GMPR: variants seen among roughly 807,000 people sequenced by gnomAD.
GMPR encodes the protein GMP reductase 1.
GMPR carries 31 observed loss-of-function variants against 38.4 expected under a neutral mutation model. The observed-to-expected ratio is 0.81, with a 90% CI of 0.61 to 1.09. The LOEUF is 1.09. Ranked by LOEUF, GMPR falls within the 50% of genes least tolerant of loss-of-function variation. GMPR has a pLI of 0.00. For missense variants in GMPR, 468 were observed against 453.7 expected, an observed-to-expected ratio of 1.03 and a Z score of -0.29; for synonymous variants, 162 against 173.3, an observed-to-expected ratio of 0.93 and a Z score of 0.51.
chr6:16,254,821 C>G, intron 4 of GMPR, 86 bp downstream of exon 4: 1 of 936,316 alleles, frequency 1.1e-6, no homozygotes, highest in Non-Finnish European at 1.7e-6. Flanking sequence ...GGAGCTGTAT[C>G]CTCTTCAGAG....
intron 4 of GMPR, among the ~76,000 whole-genome samples, chr6:16,261,849 G>GA (rs1759092225): frequency 6.6e-6 from 1 of 151,784 alleles, no homozygotes; most frequent in Admixed American, 6.7e-5. Context: ...AAGGTTGGGG[G>GA]ATACAAGAGG....
At chr6:16,294,536 G>A (rs1028381494) in intron 8 of GMPR, among the ~76,000 whole-genome samples, 21 of 152,332 alleles carry the variant, frequency 1.4e-4, no homozygotes, top group Admixed American at 3.9e-4. Context: ...TGTTGTTGAC[G>A]TAGGAGGACA....
At chr6:16,288,582 C>T (rs1374217975) in intron 7 of GMPR, among the ~76,000 whole-genome samples, 1 of 152,062 alleles carries the variant, frequency 6.6e-6, no homozygotes. Flanking sequence ...CCCTAATGAG[C>T]GCCGCCCCCT....
chr6:16,242,622 C>A (rs1375328600), intron 1 of GMPR, among the ~76,000 whole-genome samples: 5 of 152,048 alleles, frequency 3.3e-5, no homozygotes, highest in African/African-American at 1.2e-4. Flanking sequence ...GTCCAAATTT[C>A]TCCTTTTTAT....
chr6:16,277,480 G>A (rs1343136823), intron 5 of GMPR, among the ~76,000 whole-genome samples: 5 of 152,206 alleles, frequency 3.3e-5, no homozygotes, highest in African/African-American at 4.8e-5. Flanking sequence ...GCGCCCTCTC[G>A]TGCACACCAC....
At chr6:16,266,025 A>G (rs776223948) in intron 4 of GMPR, among the ~76,000 whole-genome samples, 6 of 152,038 alleles carry the variant, frequency 3.9e-5, no homozygotes, top group Admixed American at 1.3e-4. Context: ...CTGTGGCTTC[A>G]CTGCTGAAGT....
chr6:16,289,833 C>G (rs1305226858), intron 7 of GMPR: 1 of 101,238 alleles, frequency 9.9e-6, no homozygotes, highest in Non-Finnish European at 2.0e-5. Flanking sequence ...AACTTGCTTT[C>G]TAAGATACTG....
intron 6 of GMPR, among the ~76,000 whole-genome samples, chr6:16,280,862 A>G (rs1759559934): frequency 6.6e-6 from 1 of 152,238 alleles, no homozygotes; most frequent in Admixed American, 6.5e-5. Flanking sequence ...GTAAGTGTTG[A>G]ATGACCACTA....
intron 1 of GMPR, among the ~76,000 whole-genome samples, chr6:16,241,248 AG>A (rs1015839972): frequency 6.6e-5 from 10 of 151,994 alleles, no homozygotes; most frequent in African/African-American, 2.4e-4. Context: ...CTGAGGGAGG[AG>A]GGTTTTGACA....
intron 4 of GMPR, among the ~76,000 whole-genome samples, chr6:16,266,803 C>CAA (rs559121473): frequency 6.7e-6 from 1 of 150,036 alleles, no homozygotes; most frequent in Non-Finnish European, 1.5e-5. Flanking sequence ...AACAAACAAA[C>CAA]AAAAAAAGAG....
intron 1 of GMPR, among the ~76,000 whole-genome samples, chr6:16,244,305 G>A (rs1219552693): frequency 6.6e-6 from 1 of 150,494 alleles, no homozygotes; most frequent in Admixed American, 6.6e-5. Flanking sequence ...CTCAGCCTCC[G>A]GTGTTCAATC....
At chr6:16,242,748 C>A (rs1295031925) in intron 1 of GMPR, among the ~76,000 whole-genome samples, 1 of 152,148 alleles carries the variant, frequency 6.6e-6, no homozygotes, top group East Asian at 1.9e-4. Flanking sequence ...AAGCAATTCT[C>A]CTGCCTCAGC....
chr6:16,249,701 C>T (rs541876238), intron 2 of GMPR, among the ~76,000 whole-genome samples: 9 of 152,172 alleles, frequency 5.9e-5, no homozygotes, highest in Non-Finnish European at 8.8e-5. Flanking sequence ...TTAAATGAAA[C>T]GACTGACACA....
At chr6:16,278,715 G>T (rs1759521908) in intron 5 of GMPR, 69 bp from the exon 6 acceptor site, 2 of 1,064,248 alleles carry the variant, frequency 1.9e-6, no homozygotes, top group African/African-American at 1.5e-5. Flanking sequence ...AGGTAAGGGG[G>T]ACGCATTTCA....
chr6:16,268,184 A>G (rs1381165547), intron 4 of GMPR, among the ~76,000 whole-genome samples: 2 of 152,196 alleles, frequency 1.3e-5, no homozygotes, highest in Non-Finnish European at 2.9e-5. Context: ...TACAAAGGTG[A>G]TGTTCTCTCT....
chr6:16,263,076 A>G (rs1405048715), intron 4 of GMPR: 9 of 151,732 alleles, frequency 5.9e-5, no homozygotes, highest in South Asian at 2.1e-4. Flanking sequence ...AGGTCAGATG[A>G]GTCTGTAGAA....
intron 6 of GMPR, 149 bp downstream of exon 6, chr6:16,279,039 C>G: frequency 1.6e-6 from 1 of 610,680 alleles, no homozygotes; most frequent in Non-Finnish European, 2.9e-6. Flanking sequence ...AACAGAGGCC[C>G]TGCTGCCCAC....
chr6:16,287,947 T>C (rs1007239614), intron 7 of GMPR, among the ~76,000 whole-genome samples: 3 of 152,248 alleles, frequency 2.0e-5, no homozygotes, highest in African/African-American at 4.8e-5. Context: ...GGGGTTCCTA[T>C]GTTTCCTCCT....
intron 7 of GMPR, among the ~76,000 whole-genome samples, chr6:16,288,362 C>A (rs922718393): frequency 5.3e-5 from 8 of 152,198 alleles, no homozygotes; most frequent in Non-Finnish European, 8.8e-5. Flanking sequence ...GCCGGCTGGC[C>A]CTGCCGGCCT....
Sources: gnomAD v4.1 joint callset for allele counts (sites outside exome capture counted in the v4.1 genomes callset) on GRCh38, gnomAD v4.1.1 for gene constraint, MANE v1.5 for transcripts, NCBI Gene and HGNC (gene_info 2026-07-23, HGNC 2026-07-21) for gene names.